The following FAM234A variants were observed in gnomAD, a reference collection of about 807,000 sequenced individuals.
FAM234A encodes family with sequence similarity 234 member A, also known as protein FAM234A.
FAM234A carries 42 observed loss-of-function variants against 49.1 expected under a neutral mutation model. That is an observed-to-expected ratio of 0.86 (90% CI 0.67 to 1.11). The LOEUF is 1.11. FAM234A is among the 50% of genes least tolerant of loss of function. The probability of loss-of-function intolerance (pLI) is 0.00; values close to 1 mark genes in which losing one functional copy is unlikely to be tolerated. For synonymous variants in FAM234A, 369 were observed against 316.2 expected (o/e 1.17, Z -1.77); for missense variants, 815 against 745.2 (o/e 1.09, Z -1.09).
intron 3 of FAM234A, among the ~76,000 whole-genome samples, chr16:257,306 C>T (rs1440592062): frequency 7.8e-6 from 1 of 128,410 alleles, no homozygotes; most frequent in African/African-American, 3.0e-5. Flanking sequence ...AGTGCAGTGG[C>T]GCGATCTCGG....
intron 1 of FAM234A, among the ~76,000 whole-genome samples, chr16:238,421 ATC>A (rs945600537): frequency 1.3e-5 from 2 of 152,080 alleles, no homozygotes; most frequent in African/African-American, 2.4e-5. Context: ...ATCTCTGGGA[ATC>A]TGATTAGTTA....
Position 264,669 on chromosome 16 carries a change from T to C in FAM234A, c.1400T>C (p.Val467Ala), listed in dbSNP as rs1000195165. Residue 467 changes from valine to alanine, a missense_variant, in exon 12 of 13, where the codon GTG becomes GCG. Coordinates refer to ENST00000399932, the MANE Select transcript of FAM234A (RefSeq NM_032039.4). Reference sequence around the variant, plus strand: ...ATGTTCCACCCCACCCTGCCGCGCGTGCTGCTGGAGCTGGCCAATGTCTCT... The same window carrying C: ...ATGTTCCACCCCACCCTGCCGCGCGCGCTGCTGGAGCTGGCCAATGTCTCT... ...LYMFHPTLPR[V>A]LLELANVSTH... 3.1e-6 allele frequency: 5 copies of C among 1,612,094 alleles called. No homozygotes were observed. The highest frequency in any genetic ancestry group is 3.4e-6 in the Non-Finnish European group (4 of 1,179,976).
chr16:240,924 C>T (rs2050590868), intron 1 of FAM234A, among the ~76,000 whole-genome samples: 1 of 151,970 alleles, frequency 6.6e-6, no homozygotes, highest in Non-Finnish European at 1.5e-5. Context: ...AATATTTTAT[C>T]CATTTAAAAC....
downstream of FAM234A, chr16:269,644 C>A: frequency 1.5e-6 from 2 of 1,331,054 alleles, no homozygotes; most frequent in Non-Finnish European, 2.1e-6. Flanking sequence ...CAGCCAGCTC[C>A]ACCCGAAGGA....
intron 12 of FAM234A, 28 bp downstream of exon 12, chr16:264,744 G>C: frequency 1.2e-6 from 2 of 1,607,440 alleles, no homozygotes; most frequent in Non-Finnish European, 1.7e-6. Context: ...CAGGGACCCG[G>C]GTGTTCCGCG....
intron 1 of FAM234A, among the ~76,000 whole-genome samples, chr16:247,525 C>A (rs9934353): frequency 6.6e-6 from 1 of 151,792 alleles, no homozygotes; most frequent in South Asian, 2.1e-4. Context: ...CTCTGCCTCC[C>A]AGGTTCAAAC....
chr16:268,155 T>TTA (rs1555466450), downstream of FAM234A: 1 of 134,034 alleles, frequency 7.5e-6, no homozygotes, highest in African/African-American at 2.7e-5. Context: ...TATGCATGCC[T>TTA]CAGTACACCT....
At chr16:249,768 C>G (rs1053492468) in intron 2 of FAM234A, 114 bp downstream of exon 2, 4 of 152,006 alleles carry the variant, frequency 2.6e-5, no homozygotes, top group Non-Finnish European at 5.9e-5. Context: ...CTTTGATGCT[C>G]TAGCTCCCAC....
intron 2 of FAM234A, among the ~76,000 whole-genome samples, chr16:252,573 G>A (rs1268025193): frequency 6.6e-6 from 1 of 152,112 alleles, no homozygotes; most frequent in Non-Finnish European, 1.5e-5. Context: ...TTGAGGATCT[G>A]CCAGACTGTG....
At chr16:266,939 C>T (rs1302642238), downstream of FAM234A, among the ~76,000 whole-genome samples, 2 of 152,076 alleles carry the variant, frequency 1.3e-5, no homozygotes, top group Non-Finnish European at 2.9e-5. Context: ...CCCTGCAGGT[C>T]AGAGGAGCAG....
intron 1 of FAM234A, among the ~76,000 whole-genome samples, chr16:240,963 G>A (rs1436651592): frequency 6.6e-6 from 1 of 151,556 alleles, no homozygotes; most frequent in African/African-American, 2.4e-5. Context: ...TTTTGAGACA[G>A]GGTCTTGCCC....
chr16:269,190 G>A, downstream of FAM234A: 1 of 1,141,388 alleles, frequency 8.8e-7, no homozygotes, highest in Non-Finnish European at 1.3e-6. Context: ...CCCAGGACCT[G>A]GGCCAAGACG....
chr16:259,965 A>G lies in FAM234A; in HGVS notation c.386-4A>G. The stretch of plus-strand genomic sequence containing the variant: ...CAGTGAGGTGCCGGTGTCTCTCCCT[A>G]CAGGCTTTTCCTCTCCCTGCACCTT... On this transcript the variant is annotated splice_polypyrimidine_tract_variant and splice_region_variant and intron_variant, in intron 4 of 12. Coordinates refer to ENST00000399932, the MANE Select transcript of FAM234A (RefSeq NM_032039.4). 6.2e-7 allele frequency: 1 copy of G among 1,612,062 alleles called. No individual in the cohort carries two copies. Among genetic ancestry groups the G allele is most frequent in the Non-Finnish European group, 8.5e-7 (1 of 1,179,396 alleles).
intron 1 of FAM234A, among the ~76,000 whole-genome samples, chr16:242,495 C>G (rs4984856): frequency 6.6e-6 from 1 of 151,718 alleles, no homozygotes; most frequent in Non-Finnish European, 1.5e-5. Context: ...TTTATAGGCA[C>G]GAGTCACCGC....
intron 3 of FAM234A, among the ~76,000 whole-genome samples, chr16:258,300 G>T (rs1198224572): frequency 6.6e-6 from 1 of 152,134 alleles, no homozygotes; most frequent in Non-Finnish European, 1.5e-5. Context: ...AGGTCCCTGC[G>T]GCCTTCCGCA....
intron 1 of FAM234A, among the ~76,000 whole-genome samples, chr16:244,775 C>T (rs2050746932): frequency 6.7e-6 from 1 of 149,126 alleles, no homozygotes; most frequent in Non-Finnish European, 1.5e-5. Flanking sequence ...GCACCCTCTG[C>T]CTCCCAGGTT....
intron 3 of FAM234A, among the ~76,000 whole-genome samples, chr16:258,237 C>T (rs1047137902): frequency 1.5e-4 from 22 of 151,042 alleles, no homozygotes; most frequent in Non-Finnish European, 2.7e-4. Context: ...CAATAGTGGA[C>T]GGAAGGTCAG....
In FAM234A at chr16:264,109, G is replaced by T. The variant is rs758150908; in HGVS notation, c.1282G>T (p.Ala428Ser). 2 of 1,611,376 alleles carry T rather than the reference G, an allele frequency of 1.2e-6. No homozygotes were observed. Among genetic ancestry groups the T allele is most frequent in the South Asian group, 2.2e-5 (2 of 90,978 alleles). The change falls in exon 11 of 13, where the codon GCA becomes TCA. Residue 428 changes from alanine (A) to serine (S), a missense_variant. Transcript: ENST00000399932. ...GGPLSASLPT[A>S]DHRSAFFFWG... ...TCCACTGTCCGCCAGCCTGCCGACC[G>T]CAGACCACCGCTCAGCCTTCTTCTT...
rs200473849 is a variant in FAM234A at position 264,068 on chromosome 16, C to T, written c.1241C>T (p.Pro414Leu). The T allele has an allele frequency of 1.3e-4, 208 of 1,612,978 alleles. No individual in the cohort carries two copies. The highest frequency in any genetic ancestry group is 1.5e-4 in the Non-Finnish European group (179 of 1,179,994). Residue 414 changes from proline to leucine, a missense_variant, in exon 11 of 13, where the codon CCG (proline) becomes CTG (leucine). Pro to Leu is a moderately conservative substitution (Grantham distance 98). Transcript: ENST00000399932. The stretch of plus-strand genomic sequence containing the variant: ...GCCGTCCTGTGTAGCCTAGCCCTCC[C>T]GAGCCTCCCTGGGGGTCCACTGTCC... The part of the protein sequence containing the change: ...TGAVLCSLAL[P>L]SLPGGPLSAS...
Sources: gnomAD v4.1 joint callset for allele counts (sites outside exome capture counted in the v4.1 genomes callset) on GRCh38, gnomAD v4.1.1 for gene constraint, MANE v1.5 for transcripts, NCBI Gene and HGNC (gene_info 2026-07-23, HGNC 2026-07-21) for gene names.